The following IMPACT variants were observed in gnomAD, a reference collection of about 807,000 sequenced individuals.
IMPACT encodes the protein protein IMPACT.
A neutral mutation model predicts 47.5 loss-of-function variants in IMPACT; 35 were observed. The observed-to-expected ratio is 0.74, with a 90% CI of 0.56 to 0.98. IMPACT has a LOEUF of 0.98. IMPACT is among the 50% of genes least tolerant of loss of function. The pLI, the probability that IMPACT is intolerant of heterozygous loss-of-function variation, is 0.00. For missense variants in IMPACT, 373 were observed against 394.8 expected (o/e 0.94, Z 0.47); for synonymous variants, 118 against 125.6 (o/e 0.94, Z 0.40).
In IMPACT at chr18:24,445,681, GT is replaced by G. The variant is rs1315536684; in HGVS notation, c.668+218del. Among the ~76,000 whole-genome samples the G allele has an allele frequency of 9.2e-5, 14 of 152,076 alleles. No individual in the cohort carries two copies. The Middle Eastern group carries it at 0.014, about 148-fold the overall frequency. ...TGTAACTGACAATATTTTGTTTTTT[GT>G]TTCATTTTTTTCTCTGCAAAGTTTA... On this transcript the variant is annotated intron_variant, in intron 8 of 10. Transcript: ENST00000284202.
At chr18:24,443,256 T>G in intron 7 of IMPACT, 104 bp downstream of exon 7, 1 of 523,654 alleles carries the variant, frequency 1.9e-6, no homozygotes, top group East Asian at 3.4e-5. Context: ...TATTTTCATA[T>G]AAGATAAAAA....
chr18:24,444,615 C>A (rs898355953), intron 7 of IMPACT, among the ~76,000 whole-genome samples: 1 of 152,174 alleles, frequency 6.6e-6, no homozygotes, highest in Non-Finnish European at 1.5e-5. Context: ...CATGACACAT[C>A]TTCTGTCATC....
intron 6 of IMPACT, 135 bp from the exon 7 acceptor site, chr18:24,442,914 A>C (rs1264178790): frequency 6.3e-6 from 3 of 473,840 alleles, no homozygotes; most frequent in African/African-American, 4.0e-5. Context: ...TAATTTTGGT[A>C]GATAGCGATT....
chr18:24,444,831 G>T (rs1040444563), intron 7 of IMPACT, among the ~76,000 whole-genome samples: 1 of 152,122 alleles, frequency 6.6e-6, no homozygotes, highest in Non-Finnish European at 1.5e-5. Flanking sequence ...ACTTTTATTT[G>T]CTAAATTTGG....
At position 24,451,270 on chromosome 18, in the gene IMPACT, G is replaced by A. The variant is rs1375607415; in HGVS notation, c.*423G>A. On this transcript the variant is annotated 3_prime_UTR_variant, in exon 11 of 11. Transcript: ENST00000284202. ...ATATTGCCTTTTACTGCTCTTTATG[G>A]CTTATTGGAATAGGAGCTCATTTAA... 2 of 152,692 alleles carry A rather than the reference G, an allele frequency of 1.3e-5. No homozygotes were observed. The highest frequency in any genetic ancestry group is 4.8e-5 in the African/African-American group (2 of 41,422). 9.5% of individuals were successfully genotyped at this position (152,692 alleles called of 1,614,324 possible).
At position 24,434,795 on chromosome 18, in the gene IMPACT, A is replaced by G. The variant is rs867374365; in HGVS notation, c.282-3160A>G. On this transcript the variant is annotated intron_variant, in intron 4 of 10. Transcript: ENST00000284202. Reference sequence around the variant, plus strand: ...AAAAAAAATATATATATATATATATATGTGTGTGTGTGTGTATATATATGT... The same window carrying G: ...AAAAAAAATATATATATATATATATGTGTGTGTGTGTGTGTATATATATGT... Among the ~76,000 whole-genome samples, 295 of 67,600 alleles carry G rather than the reference A, an allele frequency of 4.4e-3. 7 individuals are homozygous for G. The highest frequency in any genetic ancestry group is 0.016 in the Middle Eastern group (2 of 124). 44.3% of individuals were successfully genotyped at this position (67,600 alleles called of 152,430 possible). A position where few individuals can be genotyped will look rare whatever the true frequency, so the allele number is the denominator to read the frequency against.
rs1467838155 is a variant in IMPACT at position 24,440,521 on chromosome 18, A to G, written c.393A>G (p.Glu131=). 1 of 1,613,208 alleles carries G rather than the reference A, an allele frequency of 6.2e-7. No individual in the cohort carries two copies. Among genetic ancestry groups the G allele is most frequent in the South Asian group, 1.1e-5 (1 of 90,928 alleles). ...EPGPDVKKKT[E]EEDVECEDDL... is the part of the protein sequence containing the mutation. ...GCCCAGATGTAAAGAAGAAAACTGA[A>G]GAGGAAGATGTTGAATGTGAAGATG... The change falls in exon 6 of 11, where the codon GAA becomes GAG. Residue 131 remains glutamate (E), a synonymous_variant. Coordinates refer to ENST00000284202, the MANE Select transcript of IMPACT (RefSeq NM_018439.4).
chr18:24,438,134 A>G (rs1345931596), intron 5 of IMPACT, 94 bp downstream of exon 5: 3 of 633,770 alleles, frequency 4.7e-6, no homozygotes, highest in Admixed American at 3.2e-5. Flanking sequence ...GAAAATCTGT[A>G]TTCTGGTTTA....
Position 24,428,039 on chromosome 18 carries a change from T to C in IMPACT, c.157T>C (p.Cys53Arg). 6.4e-7 allele frequency: 1 copy of C among 1,572,864 alleles called. No homozygotes were observed. Among genetic ancestry groups the C allele is most frequent in the Non-Finnish European group, 8.6e-7 (1 of 1,166,546 alleles). The change falls in exon 2 of 11, where the codon TGC (cysteine) becomes CGC (arginine). Residue 53 changes from cysteine (C) to arginine (R), a missense_variant. Transcript: ENST00000284202. ...TATAGATGACCCCAAATGGACACTTTGCTTGCAGGTACTTTTTCCCCCTTC... is the reference window on the plus strand; with the variant it reads ...TATAGATGACCCCAAATGGACACTTCGCTTGCAGGTACTTTTTCCCCCTTC... ...DDIDDPKWTL[C>R]LQVMLPNEYP... is the part of the protein sequence containing the mutation.
intron 9 of IMPACT, among the ~76,000 whole-genome samples, chr18:24,449,518 G>T (rs535773851): frequency 1.3e-5 from 2 of 152,294 alleles, no homozygotes; most frequent in East Asian, 3.9e-4. Flanking sequence ...GAAGTCACCA[G>T]GTGCTAGAAT....
chr18:24,443,556 T>C (rs891137989), intron 7 of IMPACT, among the ~76,000 whole-genome samples: 2 of 152,196 alleles, frequency 1.3e-5, no homozygotes, highest in Non-Finnish European at 2.9e-5. Context: ...AAATACCCAT[T>C]GTGTTATTAG....
At chr18:24,430,196 C>A in intron 3 of IMPACT, 126 bp from the exon 4 acceptor site, 1 of 556,686 alleles carries the variant, frequency 1.8e-6, no homozygotes, top group Non-Finnish European at 3.1e-6. Flanking sequence ...TAGATTTATA[C>A]AAATATAAGA....
At chr18:24,445,576 A>G (rs953660873) in intron 8 of IMPACT, 110 bp downstream of exon 8, 1 of 559,190 alleles carries the variant, frequency 1.8e-6, no homozygotes. Flanking sequence ...TTGTAATAGT[A>G]ATAGACATGG....
intron 2 of IMPACT, among the ~76,000 whole-genome samples, chr18:24,428,392 T>A (rs1908667227): frequency 6.6e-6 from 1 of 152,262 alleles, no homozygotes; most frequent in African/African-American, 2.4e-5. Flanking sequence ...GTAATGTAGA[T>A]GACTCGTAGA....
chr18:24,429,971 G>A (rs1908710130), intron 3 of IMPACT, among the ~76,000 whole-genome samples: 1 of 152,036 alleles, frequency 6.6e-6, no homozygotes, highest in African/African-American at 2.4e-5. Flanking sequence ...TAGAGACGGG[G>A]TTTCGCCATG....
intron 4 of IMPACT, among the ~76,000 whole-genome samples, chr18:24,434,874 A>ATATATATGTG (rs1262621159): frequency 5.4e-5 from 6 of 112,096 alleles, no homozygotes; most frequent in Non-Finnish European, 1.0e-4. Context: ...ATATATGTGT[A>ATATATATGTG]TATATATGTG....
chr18:24,441,449 G>GATT (rs1909110074), intron 6 of IMPACT, among the ~76,000 whole-genome samples: 1 of 152,142 alleles, frequency 6.6e-6, no homozygotes, highest in South Asian at 2.1e-4. Flanking sequence ...AGAGTGCTGG[G>GATT]ATTATTATAG....
At chr18:24,440,397 T>C (rs1214626209) in intron 5 of IMPACT, 99 bp from the exon 6 acceptor site, 1 of 1,268,744 alleles carries the variant, frequency 7.9e-7, no homozygotes, top group Non-Finnish European at 1.1e-6. Context: ...TTCCTTTCGT[T>C]GAAGAGTGGT....
At chr18:24,444,202 C>G (rs1217568146) in intron 7 of IMPACT, among the ~76,000 whole-genome samples, 1 of 152,232 alleles carries the variant, frequency 6.6e-6, no homozygotes, top group African/African-American at 2.4e-5. Flanking sequence ...CTGAGACATT[C>G]TAATTCTGAA....
Sources: allele counts gnomAD v4.1 joint callset (sites outside exome capture counted in the v4.1 genomes callset), GRCh38; gene constraint gnomAD v4.1.1; transcripts MANE v1.5; gene names NCBI Gene and HGNC (gene_info 2026-07-23, HGNC 2026-07-21).